Variants in DAGLA observed in about 807,000 individuals in gnomAD.
DAGLA encodes diacylglycerol lipase-alpha.
DAGLA carries 22 observed loss-of-function variants against 102.6 expected under a neutral mutation model. The ratio of observed to expected loss-of-function variants is 0.21; its 90% CI spans 0.15 to 0.31. The LOEUF is 0.31. Ranked by LOEUF, DAGLA falls within the 10% of genes least tolerant of loss-of-function variation. The probability of loss-of-function intolerance (pLI) is 1.00; values close to 1 mark genes in which losing one functional copy is unlikely to be tolerated. For missense variants in DAGLA, 927 were observed against 1,446.6 expected, an observed-to-expected ratio of 0.64 and a Z score of 5.83; for synonymous variants, 578 against 628.9, an observed-to-expected ratio of 0.92 and a Z score of 1.21.
chr11:61,711,677 G>A (rs1042879085), intron 1 of DAGLA, among the ~76,000 whole-genome samples: 2 of 152,254 alleles, frequency 1.3e-5, no homozygotes, highest in African/African-American at 4.8e-5. Context: ...GTCAGTAGCA[G>A]GGCTGGTGGC....
intron 1 of DAGLA, among the ~76,000 whole-genome samples, chr11:61,681,819 T>C (rs2064944759): frequency 6.6e-6 from 1 of 152,174 alleles, no homozygotes; most frequent in Admixed American, 6.5e-5. Context: ...CTCTCACCAG[T>C]CCTTTGGGAA....
intron 1 of DAGLA, among the ~76,000 whole-genome samples, chr11:61,691,544 C>A (rs921343836): frequency 2.6e-5 from 4 of 152,248 alleles, no homozygotes; most frequent in Non-Finnish European, 5.9e-5. Flanking sequence ...GGACCCCCCC[C>A]AACCCAACCT....
intron 12 of DAGLA, 54 bp from the exon 13 acceptor site, chr11:61,736,216 G>C: frequency 6.8e-7 from 1 of 1,474,524 alleles, no homozygotes; most frequent in Admixed American, 1.7e-5. Flanking sequence ...CTGTGGGTTT[G>C]CTGGTCACTG....
At chr11:61,720,023 C>CGGGACCT in intron 1 of DAGLA, 89 bp from the exon 2 acceptor site, 3 of 866,314 alleles carry the variant, frequency 3.5e-6, no homozygotes, top group Non-Finnish European at 5.4e-6. Context: ...CTGGCCACAC[C>CGGGACCT]GGGGACTGGT....
intron 1 of DAGLA, among the ~76,000 whole-genome samples, chr11:61,691,780 G>T (rs1275583394): frequency 6.6e-6 from 1 of 152,256 alleles, no homozygotes; most frequent in African/African-American, 2.4e-5. Flanking sequence ...AGGCCAGACG[G>T]TCTGGCTGCC....
intron 1 of DAGLA, among the ~76,000 whole-genome samples, chr11:61,685,149 C>T (rs1167389803): frequency 3.3e-5 from 5 of 152,088 alleles, no homozygotes; most frequent in African/African-American, 1.2e-4. Flanking sequence ...ACTTCAGACT[C>T]TGGAACCTCA....
Position 61,737,559 on chromosome 11 carries a change from C to T in DAGLA, c.1515-128C>T, listed in dbSNP as rs755435785. On this transcript the variant is annotated intron_variant, in intron 14 of 19. Coordinates refer to ENST00000257215, the MANE Select transcript of DAGLA (RefSeq NM_006133.3). ...AGGGAGCAGGCAACCCAGCCTGCCA[C>T]CAGCCAGCTCCCCGGGAGCCATCCC... 476 of 1,081,352 alleles carry T rather than the reference C, an allele frequency of 4.4e-4. 1 individual carries two copies. Among genetic ancestry groups the T allele is most frequent in the Non-Finnish European group, 5.4e-4 (386 of 712,546 alleles). 67.0% of individuals were successfully genotyped at this position (1,081,352 alleles called of 1,614,324 possible). A position where few individuals can be genotyped will look rare whatever the true frequency, so the allele number is the denominator to read the frequency against.
chr11:61,695,748 C>T, intron 1 of DAGLA, among the ~76,000 whole-genome samples: 1 of 152,214 alleles, frequency 6.6e-6, no homozygotes, highest in East Asian at 1.9e-4. Context: ...TGCTCTCTAT[C>T]TTGCCTTTTT....
chr11:61,692,184 C>G (rs1239546146), intron 1 of DAGLA, among the ~76,000 whole-genome samples: 3 of 152,154 alleles, frequency 2.0e-5, no homozygotes, highest in Admixed American at 6.5e-5. Context: ...CCCACGTGGC[C>G]CATGAGCCGG....
intron 1 of DAGLA, among the ~76,000 whole-genome samples, chr11:61,702,755 C>T (rs1178754484): frequency 5.3e-5 from 8 of 152,186 alleles, no homozygotes; most frequent in East Asian, 1.9e-4. Context: ...CAGAGGTGGA[C>T]GCAAGTCACA....
intron 9 of DAGLA, 68 bp downstream of exon 9, chr11:61,731,509 A>G: frequency 6.3e-7 from 1 of 1,594,112 alleles, no homozygotes; most frequent in African/African-American, 1.3e-5. Flanking sequence ...AGGAAGGGCT[A>G]CCGGGCTGCG....
At chr11:61,714,904 T>C (rs2065224293) in intron 1 of DAGLA, among the ~76,000 whole-genome samples, 1 of 152,188 alleles carries the variant, frequency 6.6e-6, no homozygotes, top group Non-Finnish European at 1.5e-5. Flanking sequence ...TCAGTCTCAT[T>C]CTTCAGTAGT....
At chr11:61,692,655 G>T (rs144221952) in intron 1 of DAGLA, among the ~76,000 whole-genome samples, 12 of 151,978 alleles carry the variant, frequency 7.9e-5, no homozygotes, top group Admixed American at 3.9e-4. Context: ...GGAGTTCCGG[G>T]TTCCTGCAGG....
At chr11:61,740,432 C>A (rs1443882631) in intron 17 of DAGLA, 31 bp from the exon 18 acceptor site, 2 of 1,607,994 alleles carry the variant, frequency 1.2e-6, no homozygotes, top group Non-Finnish European at 1.7e-6. Context: ...CCACCCCACC[C>A]TTAACTCCCC....
intron 1 of DAGLA, among the ~76,000 whole-genome samples, chr11:61,716,253 G>A (rs547417591): frequency 8.5e-5 from 13 of 152,232 alleles, no homozygotes; most frequent in African/African-American, 1.2e-4. Flanking sequence ...CAGGTTAACC[G>A]TAACACAGTG....
chr11:61,710,408 A>G (rs144774120), intron 1 of DAGLA, among the ~76,000 whole-genome samples: 4 of 152,178 alleles, frequency 2.6e-5, no homozygotes, highest in Admixed American at 1.3e-4. Context: ...GGGGCCTGCA[A>G]TGAGACACCC....
chr11:61,736,298 A>G lies in DAGLA; in HGVS notation c.1319A>G (p.Lys440Arg), dbSNP rs776043268. The change falls in exon 13 of 20, where the codon AAG becomes AGG. Residue 440 changes from lysine (K) to arginine (R), a missense_variant. Coordinates refer to ENST00000257215, the MANE Select transcript of DAGLA (RefSeq NM_006133.3). Reference sequence around the variant, plus strand: ...ATGGTCCTCTCAGCTGAGTACATCAAGAAGAAACTGGAGCAGGAGATGGTC... The same window carrying G: ...ATGGTCCTCTCAGCTGAGTACATCAGGAAGAAACTGGAGCAGGAGATGGTC... ...KGMVLSAEYI[K>R]KKLEQEMVLS... The G allele has an allele frequency of 1.7e-5, 28 of 1,614,052 alleles. No homozygotes were observed. The highest frequency in any genetic ancestry group is 2.3e-5 in the Non-Finnish European group (27 of 1,180,026).
At chr11:61,728,850 G>A (rs1658911706) in intron 7 of DAGLA, 81 bp from the exon 8 acceptor site, 16 of 1,278,160 alleles carry the variant, frequency 1.3e-5, no homozygotes, top group East Asian at 2.3e-5. Context: ...GCAGGCGGAC[G>A]CCAGGGCCTG....
At chr11:61,739,742 A>T in intron 17 of DAGLA, 81 bp downstream of exon 17, 2 of 1,418,516 alleles carry the variant, frequency 1.4e-6, no homozygotes, top group Non-Finnish European at 1.9e-6. Flanking sequence ...CCTTGGCTCA[A>T]TCACCGCTCG....
Sources: gnomAD v4.1 joint callset for allele counts (sites outside exome capture counted in the v4.1 genomes callset) on GRCh38, gnomAD v4.1.1 for gene constraint, MANE v1.5 for transcripts, NCBI Gene and HGNC (gene_info 2026-07-23, HGNC 2026-07-21) for gene names.